The following SBF2 variants were observed in gnomAD, a reference collection of about 807,000 sequenced individuals.
SBF2 encodes the protein myotubularin-related protein 13.
SBF2 carries 112 observed loss-of-function variants against 225.2 expected under a neutral mutation model. That is an observed-to-expected ratio of 0.50 (90% CI 0.43 to 0.58). SBF2 has a LOEUF of 0.58. Ranked by LOEUF, SBF2 falls within the 20% of genes least tolerant of loss-of-function variation. The pLI is 0.00. For synonymous variants in SBF2, 763 were observed against 773.3 expected (o/e 0.99, Z 0.22); for missense variants, 1,996 against 2,206.2 (o/e 0.90, Z 1.91).
intron 28 of SBF2, chr11:9,828,208 C>A (rs750515681): frequency 1.6e-5 from 21 of 1,289,538 alleles, no homozygotes; most frequent in Non-Finnish European, 2.1e-5. Context: ...TTCTTGAAGT[C>A]CTCCTTTCAG....
intron 32 of SBF2, among the ~76,000 whole-genome samples, chr11:9,801,546 C>T (rs1218065481): frequency 2.6e-5 from 4 of 152,294 alleles, no homozygotes; most frequent in East Asian, 1.9e-4. Context: ...TACATCAACA[C>T]GTGAAAACCT....
intron 6 of SBF2, 81 bp downstream of exon 6, chr11:10,028,371 G>GT (rs1949124662): frequency 1.1e-5 from 10 of 873,076 alleles, no homozygotes; most frequent in South Asian, 1.1e-4. Flanking sequence ...CTTGATTCAT[G>GT]TGAGGTGATG....
chr11:9,819,912 G>C (rs1424573517), intron 28 of SBF2, among the ~76,000 whole-genome samples: 1 of 152,176 alleles, frequency 6.6e-6, no homozygotes, highest in Non-Finnish European at 1.5e-5. Context: ...GTTACGAGCA[G>C]CAAAAATTCA....
intron 13 of SBF2, among the ~76,000 whole-genome samples, chr11:9,970,842 G>A (rs189752645): frequency 9.9e-5 from 15 of 152,250 alleles, no homozygotes; most frequent in African/African-American, 3.6e-4. Flanking sequence ...CAAAGACAGG[G>A]AAAAATAAGT....
intron 6 of SBF2, among the ~76,000 whole-genome samples, 183 bp downstream of exon 6, chr11:10,028,269 T>G (rs1949120951): frequency 6.6e-6 from 1 of 152,118 alleles, no homozygotes; most frequent in Non-Finnish European, 1.5e-5. Context: ...TGAGTTAAAA[T>G]TTTTAAAAAG....
chr11:10,111,398 T>C (rs945675031), intron 2 of SBF2, among the ~76,000 whole-genome samples: 6 of 152,234 alleles, frequency 3.9e-5, no homozygotes, highest in African/African-American at 1.4e-4. Context: ...AGTAAAGTTG[T>C]ACAATCACTC....
rs575418574 is a variant in SBF2, at chr11:9,818,173, G to A, written c.3794-1149C>T. Among the ~76,000 whole-genome samples the A allele has an allele frequency of 9.2e-5, 14 of 152,218 alleles. No individual in the cohort carries two copies. In the East Asian group the frequency reaches 1.9e-3, roughly 21 times the overall value. On this transcript the variant is annotated intron_variant, in intron 28 of 39. Transcript: ENST00000256190. ...TTGATCAGGCTGGTCTCGAACTCCCGACCTCAGGTGATCTGCCTGCCTCAG... is the reference window on the plus strand; with the variant it reads ...TTGATCAGGCTGGTCTCGAACTCCCAACCTCAGGTGATCTGCCTGCCTCAG...
intron 2 of SBF2, among the ~76,000 whole-genome samples, 164 bp from the exon 3 acceptor site, chr11:10,043,145 G>T (rs990738467): frequency 6.6e-6 from 1 of 152,104 alleles, no homozygotes; most frequent in African/African-American, 2.4e-5. Context: ...ATTCATAATG[G>T]TGAAAACTTT....
At chr11:10,002,712 T>G (rs1415628068) in intron 6 of SBF2, 23 bp from the exon 7 acceptor site, 1 of 1,608,566 alleles carries the variant, frequency 6.2e-7, no homozygotes, top group Admixed American at 1.7e-5. Context: ...GAGCAAGGAC[T>G]TACAAATGCA....
chr11:10,165,750 G>A (rs934134485), intron 2 of SBF2, among the ~76,000 whole-genome samples: 2 of 152,022 alleles, frequency 1.3e-5, no homozygotes, highest in Non-Finnish European at 2.9e-5. Flanking sequence ...ATTTTTATTA[G>A]GTTAAGGGTT....
chr11:9,976,072 C>CTTTTTTTTTTTTTTT, intron 13 of SBF2, among the ~76,000 whole-genome samples: 1 of 128,260 alleles, frequency 7.8e-6, no homozygotes, highest in African/African-American at 3.0e-5. Context: ...TCTTCTTCTT[C>CTTTTTTTTTTTTTTT]TTTTTTTTTT....
At chr11:10,148,407 G>A (rs1045988408) in intron 2 of SBF2, among the ~76,000 whole-genome samples, 1 of 152,034 alleles carries the variant, frequency 6.6e-6, no homozygotes, top group Non-Finnish European at 1.5e-5. Context: ...CCATACATGG[G>A]GGCTATCTGA....
At chr11:9,868,829 T>C (rs59276250) in intron 17 of SBF2, among the ~76,000 whole-genome samples, 9,813 of 152,262 alleles carry the variant, frequency 0.064, 500 homozygotes, top group East Asian at 0.29. Flanking sequence ...AGATGCTTGA[T>C]CAGACTCAGG....
intron 13 of SBF2, among the ~76,000 whole-genome samples, chr11:9,987,195 G>A (rs2095786664): frequency 6.6e-6 from 1 of 152,238 alleles, no homozygotes; most frequent in East Asian, 1.9e-4. Context: ...TTCAATAGAT[G>A]CAGACAAAGC....
intron 1 of SBF2, among the ~76,000 whole-genome samples, chr11:10,239,832 T>C (rs922647653): frequency 6.6e-6 from 1 of 152,220 alleles, no homozygotes; most frequent in Non-Finnish European, 1.5e-5. Flanking sequence ...ATGTATATTT[T>C]GGGTTTTAAA....
At chr11:10,015,022 T>C (rs1948599327) in intron 6 of SBF2, among the ~76,000 whole-genome samples, 1 of 152,048 alleles carries the variant, frequency 6.6e-6, no homozygotes, top group Admixed American at 6.5e-5. Context: ...TTTCAGCTAC[T>C]TGGGTGGACG....
chr11:9,951,801 G>GAAAATGAA (rs755846913), intron 16 of SBF2, among the ~76,000 whole-genome samples: 3 of 152,272 alleles, frequency 2.0e-5, no homozygotes, highest in Admixed American at 6.5e-5. Flanking sequence ...AGAAAAAATG[G>GAAAATGAA]AAAATGAAAG....
intron 3 of SBF2, among the ~76,000 whole-genome samples, chr11:10,034,927 G>A (rs1172257211): frequency 6.6e-6 from 1 of 152,110 alleles, no homozygotes; most frequent in Non-Finnish European, 1.5e-5. Context: ...ATCAAACCAG[G>A]TTTGCCCTTT....
intron 32 of SBF2, among the ~76,000 whole-genome samples, chr11:9,806,119 G>A (rs1472760213): frequency 6.6e-6 from 1 of 152,188 alleles, no homozygotes; most frequent in Non-Finnish European, 1.5e-5. Flanking sequence ...CTCAGACTAA[G>A]TAGAGGGCAA....
Sources: allele counts gnomAD v4.1 joint callset (sites outside exome capture counted in the v4.1 genomes callset), GRCh38; gene constraint gnomAD v4.1.1; transcripts MANE v1.5; gene names NCBI Gene and HGNC (gene_info 2026-07-23, HGNC 2026-07-21).